GLRB: variants seen among roughly 807,000 people sequenced by gnomAD.
The protein encoded by GLRB is glycine receptor subunit beta.
Under a neutral mutation model 54.2 loss-of-function variants are expected in GLRB, and 33 were observed. The ratio of observed to expected loss-of-function variants is 0.61; its 90% CI spans 0.46 to 0.81. The LOEUF is 0.81. Ranked by LOEUF, GLRB falls within the 40% of genes least tolerant of loss-of-function variation. The pLI is 0.00. For missense variants in GLRB, 572 were observed against 584.6 expected (o/e 0.98, Z 0.22); for synonymous variants, 209 against 208.2 (o/e 1.00, Z -0.03).
intron 2 of GLRB, among the ~76,000 whole-genome samples, chr4:157,111,184 A>T (rs766301308): frequency 6.6e-6 from 1 of 151,970 alleles, no homozygotes; most frequent in African/African-American, 2.4e-5. Flanking sequence ...AAAAGTTGGG[A>T]TGGCAGACAT....
At chr4:157,138,157 C>T (rs959275808) in intron 6 of GLRB, among the ~76,000 whole-genome samples, 3 of 152,154 alleles carry the variant, frequency 2.0e-5, no homozygotes, top group Non-Finnish European at 4.4e-5. Context: ...CTGCAACCTC[C>T]ACTTTGCGGG....
chr4:157,168,434 C>T (rs60209961), intron 9 of GLRB, among the ~76,000 whole-genome samples: 12,509 of 152,146 alleles, frequency 0.082, 703 homozygotes, highest in African/African-American at 0.16. Flanking sequence ...ATATAAACTT[C>T]TGTCACTTCT....
intron 7 of GLRB, among the ~76,000 whole-genome samples, chr4:157,141,286 C>G (rs1736600119): frequency 6.6e-6 from 1 of 151,688 alleles, no homozygotes; most frequent in Admixed American, 6.6e-5. Context: ...TTGATCAGTA[C>G]TTTTATGAAT....
At chr4:157,107,247 G>C (rs1735260113) in intron 2 of GLRB, among the ~76,000 whole-genome samples, 1 of 151,946 alleles carries the variant, frequency 6.6e-6, no homozygotes, top group African/African-American at 2.4e-5. Context: ...CTCTACAATT[G>C]TCTCTAAGTT....
chr4:157,152,949 AT>A lies in GLRB; in HGVS notation c.1137del (p.Asn379LysfsTer8). The A allele has an allele frequency of 6.2e-7, 1 of 1,614,058 alleles. No individual in the cohort carries two copies. Among genetic ancestry groups the A allele is most frequent in the Non-Finnish European group, 8.5e-7 (1 of 1,179,952 alleles). Reference protein sequence around the residue: ...KAEQADGKGGNVAKKNTVNGT... With the variant: ...KAEQADGKGGXVAKKNTVNGT... ...GAGCAAGCAGATGGAAAAGGTGGAA[AT>A]GTGGCTAAAAAGAATACTGTGAATG... On this transcript the variant is annotated frameshift_variant, in exon 9 of 10. Transcript: ENST00000264428. LOFTEE classifies it high-confidence loss of function.
At chr4:157,127,699 A>C (rs1328714876) in intron 4 of GLRB, among the ~76,000 whole-genome samples, 1 of 151,824 alleles carries the variant, frequency 6.6e-6, no homozygotes, top group Non-Finnish European at 1.5e-5. Flanking sequence ...TGATGCAGGA[A>C]GCATGAAGCA....
intron 2 of GLRB, among the ~76,000 whole-genome samples, chr4:157,080,345 T>TA (rs1387906943): frequency 1.3e-5 from 2 of 152,196 alleles, no homozygotes; most frequent in African/African-American, 4.8e-5. Flanking sequence ...TTTTTAAAAA[T>TA]AATTATGAGA....
At position 157,133,951 on chromosome 4, in the gene GLRB, T is replaced by A. The variant is rs534958000; in HGVS notation, c.298-2518T>A. 1.1e-4 allele frequency among the ~76,000 whole-genome samples: 16 copies of A among 152,164 alleles called. 1 individual carries two copies. The highest frequency in any genetic ancestry group is 3.9e-4 in the African/African-American group (16 of 41,544). On this transcript the variant is annotated intron_variant, in intron 4 of 9. Coordinates refer to ENST00000264428, the MANE Select transcript of GLRB (RefSeq NM_000824.5). ...TTTTTGGTATGTAATTTTAGATTAG[T>A]TAACCATACCATTTTGAAAATAGGT... is the stretch of plus-strand genomic sequence containing the variant.
intron 8 of GLRB, among the ~76,000 whole-genome samples, chr4:157,149,064 A>T (rs1386751059): frequency 6.6e-6 from 1 of 152,090 alleles, no homozygotes; most frequent in Non-Finnish European, 1.5e-5. Flanking sequence ...AGCTGTTTTG[A>T]TTCTGCATAT....
Position 157,127,517 on chromosome 4 carries a change from T to C in GLRB, c.297+5120T>C, listed in dbSNP as rs564855561. Among the ~76,000 whole-genome samples the C allele has an allele frequency of 2.6e-5, 4 of 152,022 alleles. No individual in the cohort carries two copies. In the South Asian group the frequency reaches 8.3e-4, roughly 31 times the overall value. ...ACTAGAGGCTAAATTTTATATCCTT[T>C]TCAAACCTGTGGATATGCTGTTTTA... On this transcript the variant is annotated intron_variant, in intron 4 of 9. Coordinates refer to ENST00000264428, the MANE Select transcript of GLRB (RefSeq NM_000824.5).
intron 3 of GLRB, among the ~76,000 whole-genome samples, chr4:157,121,666 A>T (rs1735826262): frequency 6.6e-6 from 1 of 151,634 alleles, no homozygotes; most frequent in Admixed American, 6.6e-5. Context: ...TTATGTGGCT[A>T]AAAGGCTAAA....
chr4:157,152,798 C>G lies in GLRB; in HGVS notation c.985C>G (p.Leu329Val). Residue 329 changes from leucine to valine, a missense_variant, in exon 9 of 10, where the codon CTT becomes GTT. Physicochemically the swap from Leu to Val is conservative, Grantham distance 32. Transcript: ENST00000264428. ...TCCCAAAGTTTCCTATGTGAAGGCT[C>G]TTGATGTTTGGCTTATTGCTTGCCT... ...ELPKVSYVKA[L>V]DVWLIACLLF... is the part of the protein sequence containing the mutation. 1 of 1,613,834 alleles carries G rather than the reference C, an allele frequency of 6.2e-7. No individual in the cohort carries two copies. Among genetic ancestry groups the G allele is most frequent in the Non-Finnish European group, 8.5e-7 (1 of 1,179,814 alleles).
intron 9 of GLRB, among the ~76,000 whole-genome samples, chr4:157,169,002 A>T (rs1579260600): frequency 6.6e-6 from 1 of 152,156 alleles, no homozygotes; most frequent in East Asian, 1.9e-4. Context: ...TATATATATA[A>T]ATATATGTGT....
chr4:157,114,222 TCACTTCCATGTGATTATTA>T (rs928315003), intron 2 of GLRB, among the ~76,000 whole-genome samples: 1 of 151,832 alleles, frequency 6.6e-6, no homozygotes, highest in Non-Finnish European at 1.5e-5. Flanking sequence ...GATCAAGGTT[TCACTTCCATGTGATTATTA>T]TATACATAGT....
At chr4:157,134,007 G>A (rs910664936) in intron 4 of GLRB, among the ~76,000 whole-genome samples, 6 of 151,938 alleles carry the variant, frequency 3.9e-5, no homozygotes, top group African/African-American at 1.2e-4. Context: ...CAAAACATGT[G>A]TGCGTGTATG....
intron 2 of GLRB, among the ~76,000 whole-genome samples, chr4:157,089,843 G>A (rs1316276104): frequency 6.7e-6 from 1 of 149,286 alleles, no homozygotes; most frequent in Non-Finnish European, 1.5e-5. Flanking sequence ...ATATTAAACT[G>A]GCTTTCCTAT....
chr4:157,122,658 A>G (rs1196377990), intron 4 of GLRB, among the ~76,000 whole-genome samples: 1 of 151,764 alleles, frequency 6.6e-6, no homozygotes, highest in Non-Finnish European at 1.5e-5. Flanking sequence ...CTGTGATTGG[A>G]TACAACCTGG....
chr4:157,119,882 G>A lies in GLRB; in HGVS notation c.123-674G>A, dbSNP rs185017708. Among the ~76,000 whole-genome samples, 49 of 151,698 alleles carry A rather than the reference G, an allele frequency of 3.2e-4. No individual in the cohort carries two copies. The South Asian group carries it at 9.4e-3, about 29-fold the overall frequency. ...ATTTGACCCAGCCATCCCATTACTG[G>A]GTATATACACAAAGAACTATAAATC... is the stretch of plus-strand genomic sequence containing the variant. On this transcript the variant is annotated intron_variant, in intron 2 of 9. Transcript: ENST00000264428.
intron 9 of GLRB, among the ~76,000 whole-genome samples, chr4:157,166,755 T>C (rs1166706701): frequency 6.6e-6 from 1 of 152,080 alleles, no homozygotes; most frequent in African/African-American, 2.4e-5. Context: ...TGGAATGCTT[T>C]GTAATGTTAT....
Sources: allele counts gnomAD v4.1 joint callset (sites outside exome capture counted in the v4.1 genomes callset), GRCh38; gene constraint gnomAD v4.1.1; transcripts MANE v1.5; gene names NCBI Gene and HGNC (gene_info 2026-07-23, HGNC 2026-07-21).